IL1RAPL2: variants seen among roughly 807,000 people sequenced by gnomAD.
IL1RAPL2 encodes X-linked interleukin-1 receptor accessory protein-like 2.
Under a neutral mutation model 44.1 loss-of-function variants are expected in IL1RAPL2, and 3 were observed. The ratio of observed to expected loss-of-function variants is 0.07; its 90% CI spans 0.03 to 0.18. IL1RAPL2 has a LOEUF of 0.18. IL1RAPL2 is among the 10% of genes least tolerant of loss of function. The pLI is 1.00. For synonymous variants in IL1RAPL2, 181 were observed against 178.8 expected, an observed-to-expected ratio of 1.01 and a Z score of -0.10; for missense variants, 391 against 496.4, an observed-to-expected ratio of 0.79 and a Z score of 2.02.
chrX:105,450,272 G>T (rs746769480), intron 5 of IL1RAPL2, among the ~76,000 whole-genome samples: 2 of 111,350 alleles, frequency 1.8e-5, no homozygotes, highest in Non-Finnish European at 3.8e-5. Context: ...TAGGCAAATC[G>T]AGATTACCTT....
chrX:104,587,403 G>A (rs1928581671), intron 1 of IL1RAPL2, among the ~76,000 whole-genome samples: 1 of 111,433 alleles, frequency 9.0e-6, no homozygotes, highest in South Asian at 3.8e-4. Context: ...AAATCTCCTT[G>A]GGGATTCTGA....
intron 2 of IL1RAPL2, among the ~76,000 whole-genome samples, chrX:104,944,886 TACTA>T (rs1027299923): frequency 2.0e-4 from 22 of 112,082 alleles, no homozygotes; most frequent in African/African-American, 6.8e-4. Flanking sequence ...TCTGCTCAGC[TACTA>T]ACTAACTTTG....
chrX:105,187,999 T>C lies in IL1RAPL2; in HGVS notation c.83-7476T>C, dbSNP rs1263433631. On this transcript the variant is annotated intron_variant, in intron 2 of 10. Transcript: ENST00000372582. ...TATATATACAATTTTATTTGTTAATTAGAACTTAATAAAGACAAAAAAAGA... is the reference window on the plus strand; with the variant it reads ...TATATATACAATTTTATTTGTTAATCAGAACTTAATAAAGACAAAAAAAGA... 2.7e-5 allele frequency among the ~76,000 whole-genome samples: 3 copies of C among 111,638 alleles called. No homozygotes were observed. In the East Asian group the frequency reaches 8.5e-4, roughly 32 times the overall value.
At chrX:104,644,311 A>G (rs1929992246) in intron 1 of IL1RAPL2, among the ~76,000 whole-genome samples, 1 of 111,553 alleles carries the variant, frequency 9.0e-6, no homozygotes, top group Admixed American at 9.5e-5. Flanking sequence ...CCTAGAATGA[A>G]CTACTTAACT....
At chrX:104,582,777 C>T (rs6616540) in intron 1 of IL1RAPL2, among the ~76,000 whole-genome samples, 7 of 88,461 alleles carry the variant, frequency 7.9e-5, no homozygotes, top group African/African-American at 3.2e-4. Context: ...TTTTCTTTCT[C>T]TCTCTCTTTC....
chrX:105,071,101 A>C (rs779397442), intron 2 of IL1RAPL2, among the ~76,000 whole-genome samples: 9 of 111,377 alleles, frequency 8.1e-5, no homozygotes, highest in Non-Finnish European at 1.5e-4. Context: ...GAAGAAATGA[A>C]ATTTTCTCTG....
chrX:105,178,453 T>G (rs1737273136), intron 2 of IL1RAPL2, among the ~76,000 whole-genome samples: 3 of 112,312 alleles, frequency 2.7e-5, no homozygotes, highest in Non-Finnish European at 1.9e-5. Flanking sequence ...AAGTATCCCT[T>G]TAATATACGG....
chrX:105,140,444 A>G (rs1233027723), intron 2 of IL1RAPL2, among the ~76,000 whole-genome samples: 1 of 112,460 alleles, frequency 8.9e-6, no homozygotes, highest in Non-Finnish European at 1.9e-5. Context: ...AAAGGATATA[A>G]TGAACCTGGA....
intron 3 of IL1RAPL2, among the ~76,000 whole-genome samples, chrX:105,209,195 C>T (rs1011000701): frequency 7.2e-5 from 8 of 111,749 alleles, no homozygotes; most frequent in African/African-American, 2.6e-4. Flanking sequence ...TCACTATATA[C>T]ACACTCTGCT....
chrX:104,814,236 T>C (rs1921074572), intron 2 of IL1RAPL2, among the ~76,000 whole-genome samples: 1 of 111,733 alleles, frequency 8.9e-6, no homozygotes, highest in Non-Finnish European at 1.9e-5. Flanking sequence ...AAAACTGGCT[T>C]TCTTACCTGG....
At position 105,384,063 on chromosome X, in the gene IL1RAPL2, C is replaced by T. The variant is rs58550588; in HGVS notation, c.698-100250C>T. ...TTTTTTTCCATTTTGTAGGTTGTCT[C>T]TTTACATTGTCAATTGTTTCTTTTG... On this transcript the variant is annotated intron_variant, in intron 5 of 10. Coordinates refer to ENST00000372582, the MANE Select transcript of IL1RAPL2 (RefSeq NM_017416.2). 2.7e-5 allele frequency among the ~76,000 whole-genome samples: 3 copies of T among 110,682 alleles called. No homozygotes were observed. The Admixed American group carries it at 2.9e-4, about 11-fold the overall frequency.
chrX:105,677,889 C>T lies in IL1RAPL2; in HGVS notation c.773-39478C>T, dbSNP rs750573318. ...AGATTGCAGTGTAGTCAAATTCTACCACATATTAGCCTATTAATGAAGTGA... is the reference window on the plus strand; with the variant it reads ...AGATTGCAGTGTAGTCAAATTCTACTACATATTAGCCTATTAATGAAGTGA... On this transcript the variant is annotated intron_variant, in intron 6 of 10. Coordinates refer to ENST00000372582, the MANE Select transcript of IL1RAPL2 (RefSeq NM_017416.2). Among the ~76,000 whole-genome samples, 4 of 111,653 alleles carry T rather than the reference C, an allele frequency of 3.6e-5. No homozygotes were observed. In the South Asian group the frequency reaches 1.5e-3, roughly 41 times the overall value.
At chrX:104,622,735 G>C (rs1271417406) in intron 1 of IL1RAPL2, among the ~76,000 whole-genome samples, 5 of 111,436 alleles carry the variant, frequency 4.5e-5, no homozygotes, top group Non-Finnish European at 9.4e-5. Context: ...TGACCTCAGT[G>C]CTATGCTCAA....
intron 6 of IL1RAPL2, among the ~76,000 whole-genome samples, chrX:105,496,441 A>G (rs775995125): frequency 2.0e-4 from 23 of 112,673 alleles, no homozygotes; most frequent in Non-Finnish European, 4.3e-4. Flanking sequence ...TGAGAAAGAA[A>G]GAGAATCATG....
chrX:105,449,761 C>CA (rs201892022), intron 5 of IL1RAPL2, among the ~76,000 whole-genome samples: 12 of 110,609 alleles, frequency 1.1e-4, no homozygotes, highest in Non-Finnish European at 2.3e-4. Flanking sequence ...AAACAAAAAA[C>CA]AAAAAACAGA....
At chrX:105,684,208 C>A in intron 6 of IL1RAPL2, among the ~76,000 whole-genome samples, 1 of 112,209 alleles carries the variant, frequency 8.9e-6, no homozygotes. Flanking sequence ...CTACAGAGGG[C>A]GAGCTGAAGC....
chrX:105,361,679 ACT>A (rs200441581), intron 5 of IL1RAPL2, among the ~76,000 whole-genome samples: 1,954 of 111,319 alleles, frequency 0.018, 44 homozygotes, highest in African/African-American at 0.061. Context: ...AAGCCACTAA[ACT>A]CTCTTTCAAA....
At chrX:105,318,069 T>C (rs1375008591) in intron 5 of IL1RAPL2, among the ~76,000 whole-genome samples, 2 of 108,732 alleles carry the variant, frequency 1.8e-5, no homozygotes, top group Non-Finnish European at 3.8e-5. Flanking sequence ...GCCTCCCGGG[T>C]TCACGCCATT....
At chrX:105,540,912 T>TTATATATCATACATACA (rs2036726393) in intron 6 of IL1RAPL2, among the ~76,000 whole-genome samples, 1 of 45,128 alleles carries the variant, frequency 2.2e-5, no homozygotes, top group Non-Finnish European at 5.1e-5. Flanking sequence ...CATACATATA[T>TTATATATCATACATACA]TATATATGAT....
Sources: gnomAD v4.1 joint callset for allele counts (sites outside exome capture counted in the v4.1 genomes callset) on GRCh38, gnomAD v4.1.1 for gene constraint, MANE v1.5 for transcripts, NCBI Gene and HGNC (gene_info 2026-07-23, HGNC 2026-07-21) for gene names.